ADAMTS6: variants seen among roughly 807,000 people sequenced by gnomAD.
The protein encoded by ADAMTS6 is ADAM metallopeptidase with thrombospondin type 1 motif 6, also known as A disintegrin and metalloproteinase with thrombospondin motifs 6.
ADAMTS6 carries 23 observed loss-of-function variants against 144.3 expected under a neutral mutation model. That is an observed-to-expected ratio of 0.16 (90% confidence interval 0.11 to 0.23). The LOEUF (loss-of-function observed/expected upper bound fraction) is 0.23, where lower values mean the gene tolerates loss of function less well. Among genes scored for constraint, ADAMTS6 ranks in the 10% least tolerant of loss-of-function variants. The probability of loss-of-function intolerance (pLI) is 1.00; values close to 1 mark genes in which losing one functional copy is unlikely to be tolerated. For synonymous variants in ADAMTS6, 444 were observed against 457.5 expected, an observed-to-expected ratio of 0.97 and a Z score of 0.38; for missense variants, 999 against 1,379.6, an observed-to-expected ratio of 0.72 and a Z score of 4.37.
chr5:65,432,896 T>C (rs1178975500), intron 7 of ADAMTS6, among the ~76,000 whole-genome samples: 1 of 152,112 alleles, frequency 6.6e-6, no homozygotes, highest in Non-Finnish European at 1.5e-5. Context: ...CACCATGACA[T>C]ATTATCAGTT....
Position 65,385,524 on chromosome 5 carries a change from A to C in ADAMTS6, c.1074-51439T>G, listed in dbSNP as rs1291765458. Among the ~76,000 whole-genome samples the C allele has an allele frequency of 2.0e-5, 3 of 152,218 alleles. No homozygotes were observed. The East Asian group carries it at 5.8e-4, about 29-fold the overall frequency. On this transcript the variant is annotated intron_variant, in intron 7 of 24. Coordinates refer to ENST00000381055, the MANE Select transcript of ADAMTS6 (RefSeq NM_197941.4). ...ATTAGTATGAAATCAATTGCTATGT[A>C]TAAAGGGCTTAGCAGAGGACCGATT...
chr5:65,253,854 A>C (rs1760416401), intron 14 of ADAMTS6, among the ~76,000 whole-genome samples: 1 of 102,536 alleles, frequency 9.8e-6, no homozygotes, highest in Admixed American at 1.5e-4. Context: ...TTGAGACAGG[A>C]TCTCACTCTG....
At chr5:65,394,596 A>C (rs1336242062) in intron 7 of ADAMTS6, among the ~76,000 whole-genome samples, 1 of 152,224 alleles carries the variant, frequency 6.6e-6, no homozygotes, top group Non-Finnish European at 1.5e-5. Context: ...CAAGTAGGGA[A>C]TTAAGGTATG....
At chr5:65,383,691 G>A (rs1752239721) in intron 7 of ADAMTS6, among the ~76,000 whole-genome samples, 1 of 152,100 alleles carries the variant, frequency 6.6e-6, no homozygotes, top group Admixed American at 6.5e-5. Flanking sequence ...CTGCTCTGGG[G>A]TGTTGGGGGC....
chr5:65,420,070 A>T (rs913938035), intron 7 of ADAMTS6, among the ~76,000 whole-genome samples: 2 of 152,194 alleles, frequency 1.3e-5, no homozygotes, highest in Non-Finnish European at 2.9e-5. Flanking sequence ...TCATGACAGA[A>T]GGTGAAGGGA....
chr5:65,231,466 A>G (rs1194444716), intron 15 of ADAMTS6, among the ~76,000 whole-genome samples: 2 of 152,188 alleles, frequency 1.3e-5, no homozygotes, highest in African/African-American at 4.8e-5. Context: ...AACAATGGAT[A>G]GATCATCCAG....
intron 18 of ADAMTS6, among the ~76,000 whole-genome samples, chr5:65,216,649 T>G (rs1055834362): frequency 6.6e-6 from 1 of 152,074 alleles, no homozygotes; most frequent in East Asian, 1.9e-4. Flanking sequence ...AATCTTAAAA[T>G]GTCAGGAGAA....
Position 65,223,771 on chromosome 5 carries a change from T to C in ADAMTS6, c.2272+549A>G, listed in dbSNP as rs143108346. ...ATTGTGAATAATGCTGCAATGATCA[T>C]GTGAGTGTAGATATCTCTTTGAGAT... On this transcript the variant is annotated intron_variant, in intron 18 of 24. Transcript: ENST00000381055. 1.1e-3 allele frequency among the ~76,000 whole-genome samples: 171 copies of C among 152,170 alleles called. 1 individual carries two copies. Among genetic ancestry groups the C allele is most frequent in the East Asian group, 7.7e-4 (4 of 5,178 alleles).
At chr5:65,189,172 A>G (rs1463291682) in intron 21 of ADAMTS6, among the ~76,000 whole-genome samples, 1 of 152,224 alleles carries the variant, frequency 6.6e-6, no homozygotes, top group Admixed American at 6.5e-5. Context: ...TAGGTATACT[A>G]CACCTTTACC....
intron 7 of ADAMTS6, among the ~76,000 whole-genome samples, chr5:65,420,870 T>C (rs1755973092): frequency 1.3e-5 from 2 of 151,902 alleles, no homozygotes; most frequent in Admixed American, 1.3e-4. Context: ...AATAGGAGGA[T>C]GGATAATTAT....
At chr5:65,270,397 A>C (rs960856182) in intron 12 of ADAMTS6, among the ~76,000 whole-genome samples, 1 of 152,238 alleles carries the variant, frequency 6.6e-6, no homozygotes, top group Non-Finnish European at 1.5e-5. Context: ...TACAAGAGGT[A>C]ACATGGTCAA....
chr5:65,464,129 A>G (rs1361629386), intron 3 of ADAMTS6, among the ~76,000 whole-genome samples: 3 of 152,220 alleles, frequency 2.0e-5, no homozygotes, highest in African/African-American at 7.2e-5. Context: ...GTTGATTTCA[A>G]TATCTTCTTA....
At position 65,381,529 on chromosome 5, in the gene ADAMTS6, ATTTTT is replaced by A. The variant is rs748143650; in HGVS notation, c.1074-47449_1074-47445del. Among the ~76,000 whole-genome samples the A allele has an allele frequency of 3.6e-3, 376 of 103,094 alleles. 1 individual carries two copies. Among genetic ancestry groups the A allele is most frequent in the South Asian group, 0.011 (31 of 2,898 alleles). 67.6% of individuals were successfully genotyped at this position (103,094 alleles called of 152,430 possible). The stretch of plus-strand genomic sequence containing the variant: ...AGGCATGGATCACCGTGCCTGGCTA[ATTTTT>A]TTTTTTTTTTTTTTTTTTTTTTTGT... On this transcript the variant is annotated intron_variant, in intron 7 of 24. Transcript: ENST00000381055.
chr5:65,262,683 T>C (rs1443895194), intron 13 of ADAMTS6, 134 bp downstream of exon 13: 1 of 1,009,030 alleles, frequency 9.9e-7, no homozygotes, highest in Non-Finnish European at 1.3e-6. Flanking sequence ...CACTTTCCTG[T>C]GCCTATGGCT....
At chr5:65,278,285 T>C (rs1233200692) in intron 11 of ADAMTS6, among the ~76,000 whole-genome samples, 3 of 152,208 alleles carry the variant, frequency 2.0e-5, no homozygotes, top group East Asian at 1.9e-4. Context: ...GCTATAAATA[T>C]ACATATACGT....
rs1031904835 is a variant in ADAMTS6 at position 65,291,609 on chromosome 5, G to A, written c.1371-139C>T. ...CATTCTCCCAATAAATAATCACATG[G>A]CAGAACAGAATAGCTTTACTGAAAC... On this transcript the variant is annotated intron_variant, in intron 10 of 24. Coordinates refer to ENST00000381055, the MANE Select transcript of ADAMTS6 (RefSeq NM_197941.4). 8 of 877,092 alleles carry A rather than the reference G, an allele frequency of 9.1e-6. No individual in the cohort carries two copies. The Admixed American group carries it at 1.1e-4, about 12-fold the overall frequency. 54.3% of individuals were successfully genotyped at this position (877,092 alleles called of 1,614,324 possible). A position where few individuals can be genotyped will look rare whatever the true frequency, so the allele number is the denominator to read the frequency against.
At chr5:65,413,794 GT>G (rs1437114940) in intron 7 of ADAMTS6, among the ~76,000 whole-genome samples, 2 of 152,102 alleles carry the variant, frequency 1.3e-5, no homozygotes, top group African/African-American at 4.8e-5. Flanking sequence ...CTCTACTGGT[GT>G]TTTAGACTAA....
chr5:65,156,794 C>T (rs997224635), intron 24 of ADAMTS6, among the ~76,000 whole-genome samples: 6 of 152,270 alleles, frequency 3.9e-5, no homozygotes, highest in South Asian at 2.1e-4. Flanking sequence ...ATTTTCTCTT[C>T]GACTATCATC....
chr5:65,316,120 C>T (rs1744972211), intron 9 of ADAMTS6, among the ~76,000 whole-genome samples: 1 of 152,116 alleles, frequency 6.6e-6, no homozygotes, highest in Non-Finnish European at 1.5e-5. Flanking sequence ...CCATGTTGCC[C>T]AGGCTGGTTT....
Sources: allele counts gnomAD v4.1 joint callset (sites outside exome capture counted in the v4.1 genomes callset), GRCh38; gene constraint gnomAD v4.1.1; transcripts MANE v1.5; gene names NCBI Gene and HGNC (gene_info 2026-07-23, HGNC 2026-07-21).